The following ELMO1 variants were observed in gnomAD, a reference collection of about 807,000 sequenced individuals.
ELMO1 encodes engulfment and cell motility 1.
Under a neutral mutation model 98.9 loss-of-function variants are expected in ELMO1, and 26 were observed. That is an observed-to-expected ratio of 0.26 (90% CI 0.19 to 0.36). The LOEUF is 0.36. ELMO1 is among the 10% of genes least tolerant of loss of function. The pLI is 1.00. For missense variants in ELMO1, 627 were observed against 935.2 expected (o/e 0.67, Z 4.30); for synonymous variants, 346 against 346.0 (o/e 1.00, Z 0.00).
chr7:36,989,585 A>G (rs1355658402), intron 16 of ELMO1, among the ~76,000 whole-genome samples: 3 of 152,264 alleles, frequency 2.0e-5, no homozygotes, highest in East Asian at 3.8e-4. Flanking sequence ...AGAATGGGAC[A>G]GAGGGTCTCA....
At chr7:37,245,109 CCT>C (rs1794932071) in intron 6 of ELMO1, among the ~76,000 whole-genome samples, 1 of 152,166 alleles carries the variant, frequency 6.6e-6, no homozygotes, top group African/African-American at 2.4e-5. Context: ...ACATCCATCC[CCT>C]CTTTGCCCAA....
In ELMO1 at chr7:37,447,356, C is replaced by A. The variant is rs1055364507; in HGVS notation, c.-74+1319G>T. ...AGATTATCTGAAATCTTAACCATAACGAATTAGGCCCGAATCATTCAAGGC... is the reference window on the plus strand; with the variant it reads ...AGATTATCTGAAATCTTAACCATAAAGAATTAGGCCCGAATCATTCAAGGC... On this transcript the variant is annotated intron_variant, in intron 1 of 21. Coordinates refer to ENST00000310758, the MANE Select transcript of ELMO1 (RefSeq NM_014800.11). 2.0e-5 allele frequency among the ~76,000 whole-genome samples: 3 copies of A among 152,112 alleles called. No homozygotes were observed. In the East Asian group the frequency reaches 5.8e-4, roughly 29 times the overall value.
chr7:36,862,003 T>G (rs1251117884), intron 20 of ELMO1: 2 of 456,898 alleles, frequency 4.4e-6, no homozygotes, highest in Admixed American at 6.6e-5. Context: ...AGGTGGGGCT[T>G]AGAGAGGCTC....
intron 4 of ELMO1, among the ~76,000 whole-genome samples, chr7:37,303,215 T>C (rs1457556743): frequency 1.3e-5 from 2 of 152,210 alleles, no homozygotes; most frequent in Non-Finnish European, 2.9e-5. Flanking sequence ...GCAAAGAGTG[T>C]AATGAAATGT....
chr7:36,896,478 G>A (rs1382572286), intron 16 of ELMO1, among the ~76,000 whole-genome samples: 1 of 152,206 alleles, frequency 6.6e-6, no homozygotes, highest in Non-Finnish European at 1.5e-5. Flanking sequence ...CTGTTGGCAG[G>A]TAGATAGGCT....
At chr7:37,052,545 C>G (rs1796164899) in intron 15 of ELMO1, among the ~76,000 whole-genome samples, 1 of 152,088 alleles carries the variant, frequency 6.6e-6, no homozygotes, top group Non-Finnish European at 1.5e-5. Flanking sequence ...GAATGTATAC[C>G]ATGGGACGAC....
intron 13 of ELMO1, among the ~76,000 whole-genome samples, chr7:37,181,569 A>G (rs1480374470): frequency 6.6e-6 from 1 of 152,238 alleles, no homozygotes; most frequent in African/African-American, 2.4e-5. Flanking sequence ...AGATACATAT[A>G]AAGACCATTA....
intron 13 of ELMO1, among the ~76,000 whole-genome samples, chr7:37,196,207 TGTAG>T: frequency 6.6e-6 from 1 of 152,332 alleles, no homozygotes; most frequent in Admixed American, 6.5e-5. Flanking sequence ...ACTGAGACCT[TGTAG>T]ACAGCATGTT....
intron 4 of ELMO1, among the ~76,000 whole-genome samples, chr7:37,293,413 C>T (rs150885198): frequency 0.15 from 11,327 of 74,836 alleles, 1,002 homozygotes; most frequent in Middle Eastern, 0.45. Flanking sequence ...TGATCGGTGA[C>T]CTTACCCCCA....
At chr7:37,370,810 T>C (rs1802087144) in intron 1 of ELMO1, among the ~76,000 whole-genome samples, 1 of 152,192 alleles carries the variant, frequency 6.6e-6, no homozygotes, top group Non-Finnish European at 1.5e-5. Context: ...CATGTACTCC[T>C]GGTGAGAATT....
intron 15 of ELMO1, among the ~76,000 whole-genome samples, chr7:37,032,224 T>C (rs1794923092): frequency 1.3e-5 from 2 of 152,304 alleles, no homozygotes; most frequent in South Asian, 2.1e-4. Context: ...TCATTACCCA[T>C]GTTTTGCAGG....
rs1465414763 is a variant in ELMO1 at position 36,885,247 on chromosome 7, TA to T, written c.1714+2312del. Among the ~76,000 whole-genome samples the T allele has an allele frequency of 7.2e-5, 11 of 152,296 alleles. No individual in the cohort carries two copies. The Middle Eastern group carries it at 0.01, about 141-fold the overall frequency. On this transcript the variant is annotated intron_variant, in intron 18 of 21. Transcript: ENST00000310758. ...CATAAATTTATAATCTAGATGCTAA[TA>T]TTTTTTTGTTCAGGGGTAGTTCATT...
chr7:36,987,624 G>A (rs541596019), intron 16 of ELMO1, among the ~76,000 whole-genome samples: 3 of 152,282 alleles, frequency 2.0e-5, no homozygotes, highest in East Asian at 1.9e-4. Context: ...CTCTTTGTGT[G>A]TTTCTGATTC....
At chr7:37,338,760 C>T (rs1380555162) in intron 2 of ELMO1, among the ~76,000 whole-genome samples, 4 of 152,138 alleles carry the variant, frequency 2.6e-5, no homozygotes, top group South Asian at 2.1e-4. Context: ...AGCGGCTCCC[C>T]GGGCTTGAAA....
Position 37,324,188 on chromosome 7 carries a change from T to C in ELMO1, c.79-8228A>G, listed in dbSNP as rs138148197. ...GTTCCTGTCTGTTGGCCAAGGCACC[T>C]GGCTTGGGGACTTTACTAAGCCCAA... On this transcript the variant is annotated intron_variant, in intron 2 of 21. Coordinates refer to ENST00000310758, the MANE Select transcript of ELMO1 (RefSeq NM_014800.11). Among the ~76,000 whole-genome samples, 841 of 152,314 alleles carry C rather than the reference T, an allele frequency of 5.5e-3. 4 individuals are homozygous for C. Among genetic ancestry groups the C allele is most frequent in the Non-Finnish European group, 9.0e-3 (610 of 68,024 alleles).
At chr7:37,212,863 C>T (rs1378483960) in intron 12 of ELMO1, among the ~76,000 whole-genome samples, 1 of 152,112 alleles carries the variant, frequency 6.6e-6, no homozygotes, top group Non-Finnish European at 1.5e-5. Flanking sequence ...AGAGTTACAG[C>T]CAACAGCCAA....
At chr7:37,379,043 CTTCT>C (rs1159752515) in intron 1 of ELMO1, among the ~76,000 whole-genome samples, 5 of 142,362 alleles carry the variant, frequency 3.5e-5, no homozygotes, top group Admixed American at 6.8e-5. Context: ...TCACATTCTT[CTTCT>C]TTTTTTTTTT....
At chr7:37,406,414 A>C (rs915435838) in intron 1 of ELMO1, among the ~76,000 whole-genome samples, 1 of 150,598 alleles carries the variant, frequency 6.6e-6, no homozygotes, top group African/African-American at 2.4e-5. Flanking sequence ...AAGAAAAATG[A>C]AAGTGAGGAA....
Position 37,011,235 on chromosome 7 carries a change from G to C in ELMO1, c.1437+2064C>G, listed in dbSNP as rs188201853. On this transcript the variant is annotated intron_variant, in intron 16 of 21. Coordinates refer to ENST00000310758, the MANE Select transcript of ELMO1 (RefSeq NM_014800.11). ...ACAGTGACACTCTGGGGGGCTTGCT[G>C]TCACCTGGCAGGGCCCTGAACAGGC... Among the ~76,000 whole-genome samples the C allele has an allele frequency of 2.0e-5, 3 of 152,208 alleles. No homozygotes were observed. The South Asian group carries it at 6.2e-4, about 31-fold the overall frequency.
Sources: gnomAD v4.1 joint callset for allele counts (sites outside exome capture counted in the v4.1 genomes callset) on GRCh38, gnomAD v4.1.1 for gene constraint, MANE v1.5 for transcripts, NCBI Gene and HGNC (gene_info 2026-07-23, HGNC 2026-07-21) for gene names.